The following G2E3 variants were observed in gnomAD, a reference collection of about 807,000 sequenced individuals.
The protein encoded by G2E3 is G2/M-phase specific E3 ubiquitin protein ligase, also known as G2/M phase-specific E3 ubiquitin-protein ligase.
In G2E3, 35 loss-of-function variants were observed where a neutral mutation model predicts 92.8. The ratio of observed to expected loss-of-function variants is 0.38; its 90% CI spans 0.29 to 0.50. The LOEUF is 0.50. G2E3 is among the 20% of genes least tolerant of loss of function. The pLI is 0.94. For synonymous variants in G2E3, 242 were observed against 272.4 expected (o/e 0.89, Z 1.10); for missense variants, 554 against 823.8 (o/e 0.67, Z 4.01).
intron 8 of G2E3, among the ~76,000 whole-genome samples, chr14:30,600,245 G>C (rs111583823): frequency 0.019 from 2,937 of 152,306 alleles, 53 homozygotes; most frequent in Middle Eastern, 0.034. Context: ...GGTCTAGCCT[G>C]CTCTGGAAAG....
chr14:30,614,066 A>T lies in G2E3; in HGVS notation c.1674-1283A>T, dbSNP rs576968054. Among the ~76,000 whole-genome samples the T allele has an allele frequency of 7.9e-5, 12 of 152,176 alleles. No homozygotes were observed. In the South Asian group the frequency reaches 2.3e-3, roughly 29 times the overall value. On this transcript the variant is annotated intron_variant, in intron 13 of 14. Coordinates refer to ENST00000206595, the MANE Select transcript of G2E3 (RefSeq NM_017769.5). ...ATTTTAAAATTATATAAAATGTTTTATATAGTTCCAAAGTCAAATGTATAA... is the reference window on the plus strand; with the variant it reads ...ATTTTAAAATTATATAAAATGTTTTTTATAGTTCCAAAGTCAAATGTATAA...
chr14:30,565,650 CTTTTTTTTT>C (rs537643569), intron 1 of G2E3, among the ~76,000 whole-genome samples: 2 of 62,230 alleles, frequency 3.2e-5, no homozygotes, highest in Non-Finnish European at 5.6e-5. Flanking sequence ...AACTTCATTC[CTTTTTTTTT>C]TTTTTTTTTT....
chr14:30,603,220 G>A (rs1420858997), intron 10 of G2E3, among the ~76,000 whole-genome samples: 1 of 151,878 alleles, frequency 6.6e-6, no homozygotes, highest in African/African-American at 2.4e-5. Flanking sequence ...CAGCTACTTG[G>A]GAGGCTGAGG....
chr14:30,564,147 G>A (rs1168155160), intron 1 of G2E3, among the ~76,000 whole-genome samples: 1 of 152,144 alleles, frequency 6.6e-6, no homozygotes. Context: ...ATGAGTTTTA[G>A]TAAATGTATT....
intron 14 of G2E3, 126 bp downstream of exon 14, chr14:30,615,665 C>A: frequency 2.0e-6 from 1 of 490,190 alleles, no homozygotes. Flanking sequence ...TCCGTATTTA[C>A]AAAAGAAAGT....
chr14:30,613,300 A>C (rs1882175997), intron 13 of G2E3, among the ~76,000 whole-genome samples: 1 of 152,212 alleles, frequency 6.6e-6, no homozygotes, highest in Non-Finnish European at 1.5e-5. Flanking sequence ...TATCATCTCA[A>C]ACCTGATAAA....
chr14:30,611,248 G>T (rs1882074561), intron 12 of G2E3: 2 of 152,142 alleles, frequency 1.3e-5, no homozygotes, highest in South Asian at 4.1e-4. Flanking sequence ...CAGGGTTGAG[G>T]GTTTGCAGGG....
chr14:30,610,533 G>A (rs909499627), intron 12 of G2E3, among the ~76,000 whole-genome samples: 2 of 152,166 alleles, frequency 1.3e-5, no homozygotes, highest in African/African-American at 2.4e-5. Context: ...AGCCCGGGAG[G>A]CAGAGGTGGC....
chr14:30,575,791 C>A (rs1174303435), intron 1 of G2E3, among the ~76,000 whole-genome samples: 2 of 152,076 alleles, frequency 1.3e-5, no homozygotes, highest in Non-Finnish European at 2.9e-5. Context: ...GAATGAAATA[C>A]CTAGGAATAC....
intron 2 of G2E3, among the ~76,000 whole-genome samples, chr14:30,583,626 AT>A (rs1880548941): frequency 6.6e-6 from 1 of 152,232 alleles, no homozygotes; most frequent in African/African-American, 2.4e-5. Context: ...ATAACAATGT[AT>A]TGTGTACTTG....
chr14:30,561,977 A>G (rs1345224899), intron 1 of G2E3, among the ~76,000 whole-genome samples: 1 of 152,166 alleles, frequency 6.6e-6, no homozygotes, highest in Non-Finnish European at 1.5e-5. Flanking sequence ...TTATAGGCTC[A>G]GAGGACATTT....
At chr14:30,590,837 C>T in intron 4 of G2E3, 1 of 426,836 alleles carries the variant, frequency 2.3e-6, no homozygotes, top group Non-Finnish European at 4.7e-6. Flanking sequence ...CTCTAAAGGT[C>T]CCCTTATGGT....
chr14:30,596,367 T>C (rs1252480881), intron 6 of G2E3, among the ~76,000 whole-genome samples: 1 of 152,188 alleles, frequency 6.6e-6, no homozygotes, highest in Admixed American at 6.6e-5. Context: ...CCTTAGTCCC[T>C]ATCAATTTAT....
intron 3 of G2E3, among the ~76,000 whole-genome samples, chr14:30,588,903 T>A (rs1880859423): frequency 6.6e-6 from 1 of 152,178 alleles, no homozygotes; most frequent in African/African-American, 2.4e-5. Context: ...ACATTTATGT[T>A]AACTAGGGTT....
At chr14:30,604,503 G>A (rs1189358071) in intron 10 of G2E3, among the ~76,000 whole-genome samples, 1 of 152,208 alleles carries the variant, frequency 6.6e-6, no homozygotes, top group East Asian at 1.9e-4. Context: ...CAGATTGCTG[G>A]GCTTCATGCC....
intron 8 of G2E3, among the ~76,000 whole-genome samples, chr14:30,600,105 A>G (rs2138875924): frequency 6.6e-6 from 1 of 152,364 alleles, no homozygotes; most frequent in Admixed American, 6.5e-5. Flanking sequence ...GGAAATTTCA[A>G]TAATTTGTTA....
intron 6 of G2E3, 54 bp from the exon 7 acceptor site, chr14:30,597,366 C>T (rs1881339846): frequency 4.7e-6 from 4 of 859,106 alleles, no homozygotes; most frequent in Admixed American, 3.6e-5. Flanking sequence ...CATAATATAT[C>T]ACCTGATAAC....
intron 6 of G2E3, among the ~76,000 whole-genome samples, chr14:30,596,547 T>A (rs1248176684): frequency 1.3e-5 from 2 of 152,218 alleles, no homozygotes; most frequent in African/African-American, 4.8e-5. Context: ...TCTTTTGTCC[T>A]ATTTTCCTGG....
At chr14:30,606,758 CTTA>C (rs1438351340) in intron 11 of G2E3, among the ~76,000 whole-genome samples, 2 of 151,964 alleles carry the variant, frequency 1.3e-5, no homozygotes, top group African/African-American at 4.8e-5. Context: ...GTTAATGTCA[CTTA>C]TTAATAAGTT....
Sources: gnomAD v4.1 joint callset for allele counts (sites outside exome capture counted in the v4.1 genomes callset) on GRCh38, gnomAD v4.1.1 for gene constraint, MANE v1.5 for transcripts, NCBI Gene and HGNC (gene_info 2026-07-23, HGNC 2026-07-21) for gene names.